The following PCDHGB6 variants were observed in gnomAD, a reference collection of about 807,000 sequenced individuals.
The protein encoded by PCDHGB6 is protocadherin gamma subfamily B, 6, also known as protocadherin gamma-B6.
PCDHGB6 carries 51 observed loss-of-function variants against 59.1 expected under a neutral mutation model. The observed-to-expected ratio is 0.86, with a 90% CI of 0.69 to 1.09. The LOEUF is 1.09. Among genes scored for constraint, PCDHGB6 ranks in the 50% least tolerant of loss-of-function variants. The pLI, the probability that PCDHGB6 is intolerant of heterozygous loss-of-function variation, is 0.00. For synonymous variants in PCDHGB6, 466 were observed against 495.1 expected (o/e 0.94, Z 0.78); for missense variants, 1,148 against 1,205.1 (o/e 0.95, Z 0.70).
At chr5:141,454,283 T>G (rs2098785864) in intron 1 of PCDHGB6, among the ~76,000 whole-genome samples, 1 of 152,134 alleles carries the variant, frequency 6.6e-6, no homozygotes, top group Non-Finnish European at 1.5e-5. Flanking sequence ...AACTTCACAT[T>G]AAAGGAACTC....
At position 141,432,686 on chromosome 5, in the gene PCDHGB6, G is replaced by T. The variant is rs2097528577; in HGVS notation, c.2418+22066G>T. ...CAGAGACGCGCTCAAGCAGAGCCTC[G>T]TAGTGGCCGTCCAGGACCACGGCCA... On this transcript the variant is annotated intron_variant, in intron 1 of 3. Transcript: ENST00000520790. The surrounding 1 kb of genome is among the most constrained non-coding windows in gnomAD (Gnocchi z 6.0). 6.2e-7 allele frequency: 1 copy of T among 1,613,922 alleles called. No individual in the cohort carries two copies. Among genetic ancestry groups the T allele is most frequent in the Non-Finnish European group, 8.5e-7 (1 of 1,179,968 alleles).
At chr5:141,437,939 T>C (rs1055613655) in intron 1 of PCDHGB6, among the ~76,000 whole-genome samples, 3 of 152,152 alleles carry the variant, frequency 2.0e-5, no homozygotes, top group African/African-American at 7.2e-5. Flanking sequence ...GGTTTCACCA[T>C]ATTGGCCAGA....
chr5:141,472,542 G>GA (rs904556404), intron 1 of PCDHGB6, among the ~76,000 whole-genome samples: 21 of 147,124 alleles, frequency 1.4e-4, no homozygotes, highest in Admixed American at 7.4e-4. Flanking sequence ...ACCATCTCAA[G>GA]AAAAAAAAAA....
rs756144117 is a variant in PCDHGB6, at chr5:141,485,181, G to A, written c.2419-9626G>A. On this transcript the variant is annotated intron_variant, in intron 1 of 3. Transcript: ENST00000520790. This position sits in a 1 kb window ranked among gnomAD's most constrained non-coding sequence, Gnocchi z 5.7. ...AATTAGCGGGCGGCAGCAATGCTCC[G>A]CAAGGTGAGAAGCTGGACAGAAATC... 3.1e-6 allele frequency: 5 copies of A among 1,612,942 alleles called. No individual in the cohort carries two copies. The South Asian group carries it at 4.4e-5, about 14-fold the overall frequency.
At chr5:141,434,223 A>G (rs1164673241) in intron 1 of PCDHGB6, among the ~76,000 whole-genome samples, 1 of 152,214 alleles carries the variant, frequency 6.6e-6, no homozygotes, top group Non-Finnish European at 1.5e-5. Context: ...TAAACAAAGT[A>G]CGATTTCTGG....
At chr5:141,423,187 C>G in intron 1 of PCDHGB6, 5 of 1,613,640 alleles carry the variant, frequency 3.1e-6, no homozygotes, top group Middle Eastern at 1.6e-4. Context: ...CGGCCAGCCC[C>G]CTCTCTCGGC....
At position 141,491,390 on chromosome 5, in the gene PCDHGB6, T is replaced by C; in HGVS notation, c.2419-3417T>C. 6.2e-7 allele frequency: 1 copy of C among 1,614,130 alleles called. No homozygotes were observed. Among genetic ancestry groups the C allele is most frequent in the Non-Finnish European group, 8.5e-7 (1 of 1,179,988 alleles). ...TTCACCTTTCTGTCAGCGAAGTGCC[T>C]TCAGGGAAACGCAGACGGGGACGGG... On this transcript the variant is annotated intron_variant, in intron 1 of 3. Coordinates refer to ENST00000520790, the MANE Select transcript of PCDHGB6 (RefSeq NM_018926.3). This position sits in a 1 kb window ranked among gnomAD's most constrained non-coding sequence, Gnocchi z 6.9.
intron 1 of PCDHGB6, among the ~76,000 whole-genome samples, chr5:141,454,222 T>C (rs1411974754): frequency 6.6e-6 from 1 of 152,118 alleles, no homozygotes; most frequent in African/African-American, 2.4e-5. Flanking sequence ...ATGAGAAAAG[T>C]AATTGTGATG....
chr5:141,414,040 C>T, intron 1 of PCDHGB6: 2 of 1,611,438 alleles, frequency 1.2e-6, no homozygotes, highest in Non-Finnish European at 1.7e-6. Context: ...CCGAAAATTA[C>T]CTGACACGCA....
chr5:141,438,615 TATATATATATATATATATATAC>T (rs1275224820), intron 1 of PCDHGB6, among the ~76,000 whole-genome samples: 95 of 35,914 alleles, frequency 2.6e-3, no homozygotes, highest in East Asian at 8.4e-3. Flanking sequence ...TATATATATA[TATATATATATATATATATATAC>T]ACACACACAC....
chr5:141,500,497 C>T (rs1214550546), intron 2 of PCDHGB6, among the ~76,000 whole-genome samples: 1 of 152,174 alleles, frequency 6.6e-6, no homozygotes, highest in Non-Finnish European at 1.5e-5. Context: ...GCGTGAGCCA[C>T]CGCGCCTGGC....
chr5:141,421,837 G>A, intron 1 of PCDHGB6: 1 of 1,613,782 alleles, frequency 6.2e-7, no homozygotes. Flanking sequence ...CCTGGACCGA[G>A]AGAAAGAGGC....
At position 141,486,190 on chromosome 5, in the gene PCDHGB6, T is replaced by A; in HGVS notation, c.2419-8617T>A. Reference sequence around the variant, plus strand: ...AGCAACATTGCAGCCTTCGAGTGGATCTGCTGGACGTAAATGACAATGCCC... The same window carrying A: ...AGCAACATTGCAGCCTTCGAGTGGAACTGCTGGACGTAAATGACAATGCCC... On this transcript the variant is annotated intron_variant, in intron 1 of 3. Transcript: ENST00000520790. The surrounding 1 kb of genome is among the most constrained non-coding windows in gnomAD (Gnocchi z 5.0). 1 of 1,614,122 alleles carries A rather than the reference T, an allele frequency of 6.2e-7. No individual in the cohort carries two copies. Among genetic ancestry groups the A allele is most frequent in the South Asian group, 1.1e-5 (1 of 91,070 alleles).
intron 1 of PCDHGB6, among the ~76,000 whole-genome samples, chr5:141,473,907 C>T (rs552055360): frequency 2.0e-4 from 30 of 152,220 alleles, no homozygotes; most frequent in African/African-American, 7.2e-4. Context: ...ATGAAGAGGT[C>T]TTAAGAAAAC....
At position 141,499,689 on chromosome 5, in the gene PCDHGB6, C is replaced by CTT. The variant is rs545067566; in HGVS notation, c.2477+4845_2477+4846dup. 4.8e-3 allele frequency among the ~76,000 whole-genome samples: 577 copies of CTT among 119,808 alleles called. 2 individuals carry two copies. Among genetic ancestry groups the CTT allele is most frequent in the Non-Finnish European group, 6.7e-3 (386 of 57,912 alleles). 78.6% of individuals were successfully genotyped at this position (119,808 alleles called of 152,430 possible). A position where few individuals can be genotyped will look rare whatever the true frequency, so the allele number is the denominator to read the frequency against. On this transcript the variant is annotated intron_variant, in intron 2 of 3. Coordinates refer to ENST00000520790, the MANE Select transcript of PCDHGB6 (RefSeq NM_018926.3). ...GGTCTCCACCATCTTTAACAGATGA[C>CTT]TTTTTTTTTTTTTTTTTTTTTTGGA...
At position 141,410,560 on chromosome 5, in the gene PCDHGB6, A is replaced by G. The variant is rs769354927; in HGVS notation, c.2358A>G (p.Gly786=). ...ACATGGTTTGCAGTGTTTCTCCTGG[A>G]GCCTTAATTCCACCTCATGGTGGGG... The part of the protein sequence containing the change: ...NEDMVCSVSP[G]ALIPPHGGED... The change falls in exon 1 of 4, where the codon GGA becomes GGG. Residue 786 remains glycine, a synonymous_variant. Coordinates refer to ENST00000520790, the MANE Select transcript of PCDHGB6 (RefSeq NM_018926.3). The G allele has an allele frequency of 1.9e-6, 3 of 1,612,824 alleles. No homozygotes were observed. Among genetic ancestry groups the G allele is most frequent in the African/African-American group, 1.3e-5 (1 of 75,008 alleles).
chr5:141,421,530 C>A, intron 1 of PCDHGB6: 1 of 1,614,040 alleles, frequency 6.2e-7, no homozygotes, highest in Non-Finnish European at 8.5e-7. Context: ...AGACGGTGTC[C>A]TCCTGTTTTT....
chr5:141,494,510 C>T (rs1462702765), intron 1 of PCDHGB6, among the ~76,000 whole-genome samples: 1 of 152,156 alleles, frequency 6.6e-6, no homozygotes, highest in Non-Finnish European at 1.5e-5. Context: ...TGAATTTTGG[C>T]TCAGGAGTTC....
At chr5:141,414,135 A>G in intron 1 of PCDHGB6, 1 of 1,595,504 alleles carries the variant, frequency 6.3e-7, no homozygotes, top group Non-Finnish European at 8.5e-7. Context: ...GTTTCTATGA[A>G]ATAGAAATAC....
Sources: gnomAD v4.1 joint callset for allele counts (sites outside exome capture counted in the v4.1 genomes callset) on GRCh38, gnomAD v4.1.1 for gene constraint, Gnocchi (gnomAD v3.1) non-coding constraint, MANE v1.5 for transcripts, NCBI Gene and HGNC (gene_info 2026-07-23, HGNC 2026-07-21) for gene names.